Variants in CACNA2D3 observed in about 807,000 individuals in gnomAD.
CACNA2D3 encodes the protein voltage-dependent calcium channel subunit alpha-2/delta-3.
CACNA2D3 carries 60 observed loss-of-function variants against 160.6 expected under a neutral mutation model. The observed-to-expected ratio is 0.37, with a 90% CI of 0.30 to 0.46. The LOEUF (loss-of-function observed/expected upper bound fraction) is 0.46, where lower values mean the gene tolerates loss of function less well. Ranked by LOEUF, CACNA2D3 falls within the 20% of genes least tolerant of loss-of-function variation. The pLI, the probability that CACNA2D3 is intolerant of heterozygous loss-of-function variation, is 1.00. For missense variants in CACNA2D3, 1,205 were observed against 1,365.0 expected, an observed-to-expected ratio of 0.88 and a Z score of 1.85; for synonymous variants, 558 against 492.9, an observed-to-expected ratio of 1.13 and a Z score of -1.75.
At chr3:54,530,125 C>G (rs954161367) in intron 5 of CACNA2D3, among the ~76,000 whole-genome samples, 5 of 152,204 alleles carry the variant, frequency 3.3e-5, no homozygotes, top group African/African-American at 1.2e-4. Flanking sequence ...TCCTCCTTCA[C>G]TTCTTGGGAT....
chr3:54,299,453 G>A (rs1403416180), intron 2 of CACNA2D3, among the ~76,000 whole-genome samples: 1 of 152,132 alleles, frequency 6.6e-6, no homozygotes, highest in Non-Finnish European at 1.5e-5. Context: ...TTTCACTTTC[G>A]GTGTTTGGCT....
At chr3:54,990,825 G>T (rs186955869) in intron 31 of CACNA2D3, among the ~76,000 whole-genome samples, 3 of 152,320 alleles carry the variant, frequency 2.0e-5, no homozygotes, top group African/African-American at 7.2e-5. Context: ...GGTCTGTAGT[G>T]CAGGCAGAAG....
At chr3:54,639,085 A>G (rs1165258815) in intron 10 of CACNA2D3, 1 of 151,202 alleles carries the variant, frequency 6.6e-6, no homozygotes, top group South Asian at 2.1e-4. Flanking sequence ...GAGATAAGAG[A>G]TTGGGGCGTG....
intron 2 of CACNA2D3, among the ~76,000 whole-genome samples, chr3:54,213,347 T>C (rs1701409472): frequency 6.6e-6 from 1 of 152,234 alleles, no homozygotes; most frequent in Admixed American, 6.5e-5. Flanking sequence ...ATTTCTATGA[T>C]GTTACTGTGG....
intron 35 of CACNA2D3, among the ~76,000 whole-genome samples, chr3:55,059,572 G>T (rs1267873308): frequency 6.6e-6 from 1 of 151,586 alleles, no homozygotes; most frequent in Non-Finnish European, 1.5e-5. Flanking sequence ...AACTAAGGTT[G>T]TGTGGCTGAA....
intron 2 of CACNA2D3, among the ~76,000 whole-genome samples, chr3:54,205,046 A>G (rs1028342702): frequency 2.4e-4 from 36 of 152,196 alleles, no homozygotes; most frequent in Admixed American, 2.4e-3. Flanking sequence ...CATTCCCCAT[A>G]AGTAGAATAA....
At position 54,475,359 on chromosome 3, in the gene CACNA2D3, C is replaced by T. The variant is rs141635425; in HGVS notation, c.382-28133C>T. Among the ~76,000 whole-genome samples, 166 of 152,184 alleles carry T rather than the reference C, an allele frequency of 1.1e-3. 3 individuals carry two copies. Among genetic ancestry groups the T allele is most frequent in the African/African-American group, 3.8e-3 (156 of 41,518 alleles). ...GAGAATAAAATAATTGAATTATCTC[C>T]CTGGGCAAAAGCAAATGGCATGGAA... On this transcript the variant is annotated intron_variant, in intron 4 of 37. Coordinates refer to ENST00000474759, the MANE Select transcript of CACNA2D3 (RefSeq NM_018398.3).
At chr3:54,809,420 G>A (rs146170424) in intron 13 of CACNA2D3, among the ~76,000 whole-genome samples, 2,834 of 137,876 alleles carry the variant, frequency 0.021, 242 homozygotes, top group African/African-American at 0.081. Context: ...CCGGGTTCAC[G>A]CCATTCTCCT....
At chr3:54,325,144 G>C (rs765490827) in intron 3 of CACNA2D3, among the ~76,000 whole-genome samples, 1 of 152,096 alleles carries the variant, frequency 6.6e-6, no homozygotes, top group Non-Finnish European at 1.5e-5. Flanking sequence ...GCATTATCTG[G>C]GGCTCCAGGG....
intron 14 of CACNA2D3, among the ~76,000 whole-genome samples, chr3:54,823,343 AC>A: frequency 6.6e-6 from 1 of 152,244 alleles, no homozygotes; most frequent in South Asian, 2.1e-4. Context: ...CAGGAAAAAA[AC>A]AAAGTAAAAA....
intron 4 of CACNA2D3, among the ~76,000 whole-genome samples, chr3:54,427,056 C>T (rs1244299165): frequency 6.6e-6 from 1 of 151,846 alleles, no homozygotes; most frequent in South Asian, 2.1e-4. Context: ...TCTTTCCTTT[C>T]TTTATGTTCT....
At chr3:54,545,530 T>C (rs778039949) in intron 5 of CACNA2D3, among the ~76,000 whole-genome samples, 12 of 152,202 alleles carry the variant, frequency 7.9e-5, no homozygotes, top group Non-Finnish European at 1.8e-4. Flanking sequence ...ACGAAGCACT[T>C]CTTTCTTTTT....
chr3:54,854,774 A>G (rs1487129687), intron 17 of CACNA2D3, among the ~76,000 whole-genome samples: 3 of 152,148 alleles, frequency 2.0e-5, no homozygotes, highest in African/African-American at 7.2e-5. Context: ...TTAATAAATA[A>G]CTACATATTT....
At chr3:54,655,825 T>G (rs920643685) in intron 11 of CACNA2D3, among the ~76,000 whole-genome samples, 4 of 152,236 alleles carry the variant, frequency 2.6e-5, no homozygotes, top group African/African-American at 9.6e-5. Flanking sequence ...TGAAAAGTAG[T>G]GTCACTTTTA....
intron 27 of CACNA2D3, among the ~76,000 whole-genome samples, chr3:54,938,841 G>C (rs898928453): frequency 6.6e-6 from 1 of 152,188 alleles, no homozygotes; most frequent in East Asian, 1.9e-4. Flanking sequence ...AGAAAAGTCA[G>C]GGTTGAGTTT....
intron 12 of CACNA2D3, among the ~76,000 whole-genome samples, chr3:54,762,182 A>C (rs972126592): frequency 1.3e-5 from 2 of 152,292 alleles, no homozygotes; most frequent in Admixed American, 6.5e-5. Flanking sequence ...TCTGTGTGAC[A>C]GTCCTCCTGC....
intron 11 of CACNA2D3, among the ~76,000 whole-genome samples, chr3:54,645,909 G>A (rs940566974): frequency 2.0e-5 from 3 of 152,170 alleles, no homozygotes; most frequent in African/African-American, 7.2e-5. Context: ...GCCAAGAAGT[G>A]TGGTGTAGAG....
intron 4 of CACNA2D3, among the ~76,000 whole-genome samples, chr3:54,434,685 G>A (rs1036020253): frequency 2.0e-5 from 3 of 152,188 alleles, no homozygotes; most frequent in Non-Finnish European, 4.4e-5. Context: ...CACAGTCAGG[G>A]GTCAGGCCCA....
intron 4 of CACNA2D3, among the ~76,000 whole-genome samples, chr3:54,465,373 G>C (rs1163978113): frequency 6.6e-6 from 1 of 152,024 alleles, no homozygotes; most frequent in Non-Finnish European, 1.5e-5. Flanking sequence ...CTTTATTACA[G>C]TAATTGCTAT....
Sources: allele counts gnomAD v4.1 joint callset (sites outside exome capture counted in the v4.1 genomes callset), GRCh38; gene constraint gnomAD v4.1.1; transcripts MANE v1.5; gene names NCBI Gene and HGNC (gene_info 2026-07-23, HGNC 2026-07-21).